ALCAM: variants seen among roughly 807,000 people sequenced by gnomAD.
The protein encoded by ALCAM is activated leukocyte cell adhesion molecule, also known as CD166 antigen.
Under a neutral mutation model 70.9 loss-of-function variants are expected in ALCAM, and 30 were observed. The ratio of observed to expected loss-of-function variants is 0.42; its 90% CI spans 0.32 to 0.57. The LOEUF (loss-of-function observed/expected upper bound fraction) is 0.57, where lower values mean the gene tolerates loss of function less well. Ranked by LOEUF, ALCAM falls within the 20% of genes least tolerant of loss-of-function variation. The pLI, the probability that ALCAM is intolerant of heterozygous loss-of-function variation, is 0.11. For missense variants in ALCAM, 591 were observed against 695.1 expected (o/e 0.85, Z 1.68); for synonymous variants, 249 against 242.5 (o/e 1.03, Z -0.25).
At chr3:105,550,343 C>A (rs992016266) in intron 12 of ALCAM, 84 bp downstream of exon 12, 3 of 1,306,124 alleles carry the variant, frequency 2.3e-6, no homozygotes, top group Non-Finnish European at 3.2e-6. Flanking sequence ...TTCCATCTTC[C>A]TGTACTGCAT....
intron 12 of ALCAM, among the ~76,000 whole-genome samples, chr3:105,551,871 A>G (rs1334971669): frequency 6.6e-5 from 10 of 151,590 alleles, no homozygotes; most frequent in Non-Finnish European, 1.5e-5. Flanking sequence ...GAAAATCAAT[A>G]TGGATTTCAG....
In ALCAM at chr3:105,524,520, G is replaced by A. The variant is rs756490581; in HGVS notation, c.394+12G>A. 6 of 1,613,916 alleles carry A rather than the reference G, an allele frequency of 3.7e-6. No homozygotes were observed. The highest frequency in any genetic ancestry group is 3.3e-5 in the Admixed American group (2 of 60,028). ...AGTCAAGGTGTTCAGTAAGTAGTCT[G>A]CAGCAGTGTCACTGCTAAGTGGGAT... is the stretch of plus-strand genomic sequence containing the variant. On this transcript the variant is annotated intron_variant, in intron 3 of 15. Coordinates refer to ENST00000306107, the MANE Select transcript of ALCAM (RefSeq NM_001627.4).
chr3:105,533,206 C>T (rs1251790896), intron 4 of ALCAM, among the ~76,000 whole-genome samples: 1 of 152,028 alleles, frequency 6.6e-6, no homozygotes, highest in Non-Finnish European at 1.5e-5. Context: ...GGAGACACAG[C>T]CCCATTTTAA....
chr3:105,444,191 A>C (rs141831562), intron 1 of ALCAM, among the ~76,000 whole-genome samples: 2 of 152,298 alleles, frequency 1.3e-5, no homozygotes, highest in East Asian at 3.9e-4. Flanking sequence ...CAACTGTATT[A>C]CACTCTGTTC....
rs144517841 is a variant in ALCAM at position 105,506,799 on chromosome 3, G to C, written c.74-13268G>C. ...AACCAAATGTATTAGCACCTCAGTG[G>C]GATTGGGAATATGTGAAAAACATAA... On this transcript the variant is annotated intron_variant, in intron 1 of 15. Transcript: ENST00000306107. Among the ~76,000 whole-genome samples, 374 of 152,260 alleles carry C rather than the reference G, an allele frequency of 2.5e-3. 1 individual carries two copies. The highest frequency in any genetic ancestry group is 8.7e-3 in the African/African-American group (362 of 41,550).
chr3:105,403,971 C>T (rs1018756839), intron 1 of ALCAM, among the ~76,000 whole-genome samples: 6 of 150,342 alleles, frequency 4.0e-5, no homozygotes, highest in African/African-American at 1.5e-4. Flanking sequence ...TAGAATTGAA[C>T]AAGCAGAAGA....
In ALCAM at chr3:105,534,711, A is replaced by G. The variant is rs750026519; in HGVS notation, c.596A>G (p.Tyr199Cys). ...KKEMDPVTQL[Y>C]TMTSTLEYKT... ...GAAATGGACCCAGTGACTCAGCTCT[A>G]TACCATGACTTCCACCCTGGAGTAC... Residue 199 changes from tyrosine to cysteine, a missense_variant, in exon 6 of 16, where the codon TAT (tyrosine) becomes TGT (cysteine). Around this residue, in one of 2 missense-constraint regions of ALCAM, gnomAD observed 427 missense variants for 450.4 expected, o/e 0.95. Transcript: ENST00000306107. 17 of 1,613,710 alleles carry G rather than the reference A, an allele frequency of 1.1e-5. No homozygotes were observed. The highest frequency in any genetic ancestry group is 1.6e-4 in the Middle Eastern group (1 of 6,076).
At chr3:105,499,709 G>C (rs1290361705) in intron 1 of ALCAM, among the ~76,000 whole-genome samples, 2 of 152,092 alleles carry the variant, frequency 1.3e-5, no homozygotes, top group Non-Finnish European at 2.9e-5. Context: ...GATTAAGTAG[G>C]GTAAACATTA....
intron 1 of ALCAM, among the ~76,000 whole-genome samples, chr3:105,396,998 C>G (rs1014939233): frequency 3.9e-5 from 6 of 152,026 alleles, no homozygotes; most frequent in African/African-American, 1.4e-4. Flanking sequence ...TTCAAAATAA[C>G]CTTTTTTTGC....
intron 1 of ALCAM, among the ~76,000 whole-genome samples, chr3:105,405,078 G>T (rs1217516930): frequency 5.9e-5 from 9 of 151,960 alleles, no homozygotes; most frequent in Admixed American, 5.9e-4. Flanking sequence ...GGGAATTCGA[G>T]ACCAGCCTGA....
intron 1 of ALCAM, among the ~76,000 whole-genome samples, chr3:105,511,318 G>A (rs1034148207): frequency 6.6e-6 from 1 of 151,996 alleles, no homozygotes; most frequent in African/African-American, 2.4e-5. Context: ...TCAGATAGCA[G>A]ATTATACTGA....
At chr3:105,437,730 C>T (rs1255959098) in intron 1 of ALCAM, among the ~76,000 whole-genome samples, 1 of 151,590 alleles carries the variant, frequency 6.6e-6, no homozygotes, top group Non-Finnish European at 1.5e-5. Context: ...GAAAATTTTT[C>T]TTTTGAAATC....
At chr3:105,459,186 T>C (rs948057914) in intron 1 of ALCAM, among the ~76,000 whole-genome samples, 12 of 152,140 alleles carry the variant, frequency 7.9e-5, no homozygotes, top group Admixed American at 2.0e-4. Context: ...ATATTTCCAA[T>C]TGTTTGCATA....
intron 1 of ALCAM, among the ~76,000 whole-genome samples, chr3:105,407,594 A>G (rs1481581985): frequency 6.6e-6 from 1 of 152,196 alleles, no homozygotes; most frequent in Non-Finnish European, 1.5e-5. Flanking sequence ...GCCATCTATG[A>G]CAAACCCACA....
At chr3:105,523,497 G>A (rs1369261183) in intron 2 of ALCAM, among the ~76,000 whole-genome samples, 1 of 152,254 alleles carries the variant, frequency 6.6e-6, no homozygotes, top group East Asian at 1.9e-4. Flanking sequence ...TTTCTCAAAG[G>A]TCTTGTAGGG....
intron 1 of ALCAM, among the ~76,000 whole-genome samples, chr3:105,510,527 A>G (rs915061136): frequency 4.6e-5 from 7 of 152,118 alleles, no homozygotes; most frequent in African/African-American, 1.7e-4. Flanking sequence ...ATAATAAACA[A>G]AAGTGATGAA....
intron 1 of ALCAM, among the ~76,000 whole-genome samples, chr3:105,385,069 A>T (rs952987675): frequency 6.6e-6 from 1 of 151,620 alleles, no homozygotes; most frequent in African/African-American, 2.4e-5. Context: ...AATACTGTCT[A>T]GTTCCTGGAT....
At chr3:105,403,982 C>T (rs1387017624) in intron 1 of ALCAM, among the ~76,000 whole-genome samples, 8 of 150,340 alleles carry the variant, frequency 5.3e-5, no homozygotes, top group Admixed American at 2.0e-4. Context: ...AAGCAGAAGA[C>T]GGAACTTCAG....
chr3:105,524,273 T>C lies in ALCAM; in HGVS notation c.175-16T>C, dbSNP rs373451274. On this transcript the variant is annotated splice_polypyrimidine_tract_variant and intron_variant, in intron 2 of 15. Coordinates refer to ENST00000306107, the MANE Select transcript of ALCAM (RefSeq NM_001627.4). ...AATATGCTTGTGTTTAAATGTATTATTATTTTAATTTTTAGGAAAAGCCCG... is the reference window on the plus strand; with the variant it reads ...AATATGCTTGTGTTTAAATGTATTACTATTTTAATTTTTAGGAAAAGCCCG... 1.4e-3 allele frequency: 2,207 copies of C among 1,589,820 alleles called. 2 individuals carry two copies. The highest frequency in any genetic ancestry group is 1.8e-3 in the Non-Finnish European group (2,047 of 1,164,218).
Sources: gnomAD v4.1 joint callset for allele counts (sites outside exome capture counted in the v4.1 genomes callset) on GRCh38, gnomAD v4.1.1 for gene constraint, gnomAD v4.1.1 regional missense constraint, MANE v1.5 for transcripts, NCBI Gene and HGNC (gene_info 2026-07-23, HGNC 2026-07-21) for gene names.